Variants in IL1RAPL2 observed in about 807,000 individuals in gnomAD.
IL1RAPL2 encodes interleukin 1 receptor accessory protein like 2, also known as X-linked interleukin-1 receptor accessory protein-like 2.
IL1RAPL2 carries 3 observed loss-of-function variants against 44.1 expected under a neutral mutation model. The observed-to-expected ratio is 0.07, with a 90% CI of 0.03 to 0.18. The LOEUF (loss-of-function observed/expected upper bound fraction) is 0.18. IL1RAPL2 is among the 10% of genes least tolerant of loss of function. The pLI is 1.00. For missense variants in IL1RAPL2, 391 were observed against 496.4 expected (o/e 0.79, Z 2.02); for synonymous variants, 181 against 178.8 (o/e 1.01, Z -0.10).
At chrX:105,033,205 A>G (rs190087445) in intron 2 of IL1RAPL2, among the ~76,000 whole-genome samples, 260 of 111,427 alleles carry the variant, frequency 2.3e-3, no homozygotes, top group African/African-American at 7.2e-3. Context: ...TCTTAATTGG[A>G]GCATTTAGCC....
chrX:104,851,579 G>A (rs938077648), intron 2 of IL1RAPL2, among the ~76,000 whole-genome samples: 1 of 111,636 alleles, frequency 9.0e-6, no homozygotes, highest in South Asian at 3.8e-4. Context: ...AGGAACTCAC[G>A]AAAATAGAGA....
chrX:105,747,562 A>G (rs1290012225), intron 8 of IL1RAPL2, among the ~76,000 whole-genome samples: 4 of 102,150 alleles, frequency 3.9e-5, no homozygotes, highest in Admixed American at 3.2e-4. Context: ...ATATATACAC[A>G]CATATATACA....
chrX:105,648,716 G>A (rs1356062880), intron 6 of IL1RAPL2, among the ~76,000 whole-genome samples: 2 of 112,125 alleles, frequency 1.8e-5, no homozygotes, highest in African/African-American at 6.5e-5. Context: ...CTATTGTAAT[G>A]TATTCTGTTT....
intron 3 of IL1RAPL2, among the ~76,000 whole-genome samples, chrX:105,225,772 C>T (rs181246747): frequency 0.01 from 1,116 of 109,143 alleles, 16 homozygotes; most frequent in African/African-American, 0.036. Flanking sequence ...CTGCAACCTC[C>T]GCCTCTCAGG....
At chrX:104,930,761 A>G (rs764170385) in intron 2 of IL1RAPL2, among the ~76,000 whole-genome samples, 1 of 111,993 alleles carries the variant, frequency 8.9e-6, no homozygotes, top group Non-Finnish European at 1.9e-5. Flanking sequence ...ATGAGCTAGT[A>G]TAGTTAGCCA....
chrX:105,148,773 G>T (rs1455743788), intron 2 of IL1RAPL2, among the ~76,000 whole-genome samples: 6 of 111,535 alleles, frequency 5.4e-5, no homozygotes, highest in Non-Finnish European at 9.4e-5. Context: ...TCAAAGTATT[G>T]GAATTAAGAG....
intron 5 of IL1RAPL2, among the ~76,000 whole-genome samples, chrX:105,294,759 TAG>T (rs1192036400): frequency 8.9e-6 from 1 of 112,033 alleles, no homozygotes; most frequent in Non-Finnish European, 1.9e-5. Flanking sequence ...CAGTGGTAAG[TAG>T]TTGTTGAGCA....
intron 5 of IL1RAPL2, among the ~76,000 whole-genome samples, chrX:105,300,178 C>G (rs752879753): frequency 5.3e-4 from 59 of 111,386 alleles, no homozygotes; most frequent in Non-Finnish European, 7.9e-4. Context: ...TCTCACATTA[C>G]TATAAAGAAA....
chrX:105,107,874 G>T (rs1171259176), intron 2 of IL1RAPL2, among the ~76,000 whole-genome samples: 1 of 111,536 alleles, frequency 9.0e-6, no homozygotes, highest in Non-Finnish European at 1.9e-5. Context: ...TGACTGTTTA[G>T]TAGTATTCTC....
chrX:104,771,852 A>G lies in IL1RAPL2; in HGVS notation c.82+112857A>G, dbSNP rs1053795393. ...AAGACAGTAGATTTTGATTGGGCAT[A>G]ATGATCAGAAAAAAACTTTTGAGTG... On this transcript the variant is annotated intron_variant, in intron 2 of 10. Coordinates refer to ENST00000372582, the MANE Select transcript of IL1RAPL2 (RefSeq NM_017416.2). Among the ~76,000 whole-genome samples, 4 of 111,901 alleles carry G rather than the reference A, an allele frequency of 3.6e-5. No individual in the cohort carries two copies. The Admixed American group carries it at 3.8e-4, about 11-fold the overall frequency.
intron 2 of IL1RAPL2, among the ~76,000 whole-genome samples, chrX:104,981,331 G>A (rs2030436495): frequency 9.1e-6 from 1 of 109,976 alleles, no homozygotes; most frequent in Admixed American, 9.8e-5. Flanking sequence ...CTGCTTCTTT[G>A]TGTCTGTGTG....
At chrX:104,935,561 A>G (rs1182010494) in intron 2 of IL1RAPL2, among the ~76,000 whole-genome samples, 1 of 112,273 alleles carries the variant, frequency 8.9e-6, no homozygotes, top group African/African-American at 3.2e-5. Context: ...AGAACAATAT[A>G]TGTATTCCTC....
At chrX:104,955,561 C>T (rs936729689) in intron 2 of IL1RAPL2, among the ~76,000 whole-genome samples, 4 of 107,050 alleles carry the variant, frequency 3.7e-5, no homozygotes, top group Admixed American at 3.1e-4. Flanking sequence ...ATATTATACT[C>T]ATATATATAT....
At chrX:104,867,114 G>A (rs1922637330) in intron 2 of IL1RAPL2, among the ~76,000 whole-genome samples, 1 of 108,208 alleles carries the variant, frequency 9.2e-6, no homozygotes, top group Non-Finnish European at 1.9e-5. Context: ...GTGGGCGCCT[G>A]TAGTCCCAGC....
intron 5 of IL1RAPL2, among the ~76,000 whole-genome samples, chrX:105,412,908 A>G (rs943538586): frequency 8.9e-6 from 1 of 112,130 alleles, no homozygotes; most frequent in Non-Finnish European, 1.9e-5. Flanking sequence ...TTTTTGTTAA[A>G]TTCAAGGAAA....
At chrX:105,670,879 G>A (rs984552126) in intron 6 of IL1RAPL2, among the ~76,000 whole-genome samples, 1 of 106,927 alleles carries the variant, frequency 9.4e-6, no homozygotes, top group Non-Finnish European at 1.9e-5. Flanking sequence ...TTTTTGGTGT[G>A]TGTGTGTGCG....
chrX:105,349,530 G>A (rs1488136854), intron 5 of IL1RAPL2, among the ~76,000 whole-genome samples: 3 of 111,732 alleles, frequency 2.7e-5, no homozygotes, highest in Admixed American at 1.9e-4. Context: ...GAGAACAGCA[G>A]CTCTTCATTC....
At chrX:105,102,854 T>A (rs1332156279) in intron 2 of IL1RAPL2, among the ~76,000 whole-genome samples, 1 of 111,186 alleles carries the variant, frequency 9.0e-6, no homozygotes, top group East Asian at 2.8e-4. Context: ...ACATATATTT[T>A]AAAAACACAG....
chrX:104,814,302 C>A (rs1921076575), intron 2 of IL1RAPL2, among the ~76,000 whole-genome samples: 1 of 112,306 alleles, frequency 8.9e-6, no homozygotes, highest in African/African-American at 3.2e-5. Context: ...TCTGACCTTT[C>A]TCTGAACTGT....
Sources: gnomAD v4.1 joint callset for allele counts (sites outside exome capture counted in the v4.1 genomes callset) on GRCh38, gnomAD v4.1.1 for gene constraint, MANE v1.5 for transcripts, NCBI Gene and HGNC (gene_info 2026-07-23, HGNC 2026-07-21) for gene names.